COL14A1: variants seen among roughly 807,000 people sequenced by gnomAD.
COL14A1 encodes the protein collagen alpha-1(XIV) chain.
COL14A1 carries 136 observed loss-of-function variants against 230.3 expected under a neutral mutation model. The observed-to-expected ratio is 0.59, with a 90% CI of 0.51 to 0.68. The LOEUF is 0.68. COL14A1 is among the 30% of genes least tolerant of loss of function. The pLI is 0.00. For missense variants in COL14A1, 1,976 were observed against 2,215.8 expected (o/e 0.89, Z 2.17); for synonymous variants, 792 against 784.1 (o/e 1.01, Z -0.17).
rs896309765 is a variant in COL14A1 at position 120,145,598 on chromosome 8, C to G, written c.-37-2208C>G. Among the ~76,000 whole-genome samples the G allele has an allele frequency of 5.3e-5, 8 of 152,118 alleles. No individual in the cohort carries two copies. The South Asian group carries it at 1.5e-3, about 28-fold the overall frequency. On this transcript the variant is annotated intron_variant, in intron 1 of 47. Transcript: ENST00000297848. Reference sequence around the variant, plus strand: ...CACCGTTGCACTCCAGCCCTGGGGACAAGAGTGAGACTCTGTCTCAAAACA... The same window carrying G: ...CACCGTTGCACTCCAGCCCTGGGGAGAAGAGTGAGACTCTGTCTCAAAACA...
intron 45 of COL14A1, among the ~76,000 whole-genome samples, chr8:120,346,475 T>C (rs563293707): frequency 1.3e-5 from 2 of 152,350 alleles, no homozygotes; most frequent in East Asian, 3.9e-4. Flanking sequence ...CTGTGAGGCA[T>C]ATTAGTTTTG....
intron 2 of COL14A1, among the ~76,000 whole-genome samples, chr8:120,156,999 A>G (rs1471437040): frequency 6.6e-6 from 1 of 152,218 alleles, no homozygotes; most frequent in Non-Finnish European, 1.5e-5. Context: ...TTTTCCATGA[A>G]GTATTAACTT....
intron 19 of COL14A1, among the ~76,000 whole-genome samples, chr8:120,239,410 A>G (rs1007123846): frequency 6.6e-6 from 1 of 152,208 alleles, no homozygotes; most frequent in African/African-American, 2.4e-5. Context: ...ATGGGAAGTT[A>G]CTTTTATTTA....
At chr8:120,289,306 T>C (rs527781267) in intron 33 of COL14A1, among the ~76,000 whole-genome samples, 3 of 152,336 alleles carry the variant, frequency 2.0e-5, no homozygotes, top group East Asian at 3.9e-4. Context: ...GCATGGCTAG[T>C]ACAGCAGTCC....
intron 19 of COL14A1, 49 bp downstream of exon 19, chr8:120,231,667 A>G (rs1371521097): frequency 1.3e-6 from 2 of 1,576,220 alleles, no homozygotes; most frequent in South Asian, 2.3e-5. Flanking sequence ...TTACTAACAC[A>G]GCTAATAAGA....
rs969035657 is a variant in COL14A1, at chr8:120,371,885, C to T, written c.*654C>T. ...TAATGATTTTCCACCAGCTCTGATG[C>T]AAAGAGATATAATTTTAATGAACGA... On this transcript the variant is annotated 3_prime_UTR_variant, in exon 48 of 48. Transcript: ENST00000297848. 2 of 360,220 alleles carry T rather than the reference C, an allele frequency of 5.6e-6. No individual in the cohort carries two copies. Among genetic ancestry groups the T allele is most frequent in the Non-Finnish European group, 5.0e-6 (1 of 201,282 alleles). 22.3% of individuals were successfully genotyped at this position (360,220 alleles called of 1,614,324 possible).
chr8:120,226,811 G>A lies in COL14A1; in HGVS notation c.2004+45G>A, dbSNP rs753795539. On this transcript the variant is annotated intron_variant, in intron 16 of 47. Coordinates refer to ENST00000297848, the MANE Select transcript of COL14A1 (RefSeq NM_021110.4). The stretch of plus-strand genomic sequence containing the variant: ...CTGAAAATTAATCTGGAGCATTAGT[G>A]AATACCTACTGCTGCTGGAGTTGGT... 10 of 1,571,834 alleles carry A rather than the reference G, an allele frequency of 6.4e-6. No individual in the cohort carries two copies. In the African/African-American group the frequency reaches 1.3e-4, roughly 21 times the overall value.
intron 21 of COL14A1, among the ~76,000 whole-genome samples, chr8:120,249,816 G>T (rs1818884304): frequency 6.6e-6 from 1 of 152,166 alleles, no homozygotes; most frequent in African/African-American, 2.4e-5. Flanking sequence ...TGCATTGTAC[G>T]TGTGGGGCAT....
intron 29 of COL14A1, among the ~76,000 whole-genome samples, 165 bp downstream of exon 29, chr8:120,280,264 C>A (rs1819995203): frequency 6.6e-6 from 1 of 152,062 alleles, no homozygotes; most frequent in Admixed American, 6.6e-5. Flanking sequence ...TGGAAATAAA[C>A]CTCCCCTCCT....
At chr8:120,235,739 C>A (rs760322444) in intron 19 of COL14A1, among the ~76,000 whole-genome samples, 6 of 152,172 alleles carry the variant, frequency 3.9e-5, no homozygotes, top group Non-Finnish European at 8.8e-5. Context: ...TTCCAGCTTT[C>A]TCCTGTGGGC....
At chr8:120,207,939 T>A (rs1030366906) in intron 10 of COL14A1, among the ~76,000 whole-genome samples, 7 of 152,018 alleles carry the variant, frequency 4.6e-5, no homozygotes, top group Non-Finnish European at 7.4e-5. Flanking sequence ...TGGAAAAATA[T>A]CATGTTTACT....
rs762960506 is a variant in COL14A1 at position 120,262,987 on chromosome 8, C to A, written c.2989C>A (p.Pro997Thr). 1 of 1,611,734 alleles carries A rather than the reference C, an allele frequency of 6.2e-7. No homozygotes were observed. Among genetic ancestry groups the A allele is most frequent in the South Asian group, 1.1e-5 (1 of 90,400 alleles). The change falls in exon 24 of 48, where the codon CCT (proline) becomes ACT (threonine). Residue 997 changes from proline (P) to threonine (T), a missense_variant. Physicochemically the swap from Pro to Thr is conservative, Grantham distance 38. Coordinates refer to ENST00000297848, the MANE Select transcript of COL14A1 (RefSeq NM_021110.4). ...VYTKLQEIEG[P>T]SVSIMEKTQS... ...TACAAAGCTCCAGGAGATTGAAGGACCTAGTGTGAGCATAATGGAAAAAAC... is the reference window on the plus strand; with the variant it reads ...TACAAAGCTCCAGGAGATTGAAGGAACTAGTGTGAGCATAATGGAAAAAAC...
At chr8:120,239,533 C>A (rs1818551794) in intron 19 of COL14A1, among the ~76,000 whole-genome samples, 2 of 152,284 alleles carry the variant, frequency 1.3e-5, no homozygotes, top group African/African-American at 2.4e-5. Flanking sequence ...AAGAGCCACA[C>A]CTACTGTGAA....
intron 45 of COL14A1, among the ~76,000 whole-genome samples, chr8:120,359,270 C>T (rs1037915937): frequency 1.3e-5 from 2 of 151,988 alleles, no homozygotes; most frequent in East Asian, 1.9e-4. Context: ...TGTTCCCCTC[C>T]GTGTTTCCAT....
Position 120,371,445 on chromosome 8 carries a change from G to A in COL14A1, c.*214G>A. 2.5e-6 allele frequency: 1 copy of A among 394,814 alleles called. No homozygotes were observed. Among genetic ancestry groups the A allele is most frequent in the Non-Finnish European group, 4.4e-6 (1 of 224,784 alleles). 24.5% of individuals were successfully genotyped at this position (394,814 alleles called of 1,614,324 possible). A position where few individuals can be genotyped will look rare whatever the true frequency, so the allele number is the denominator to read the frequency against. On this transcript the variant is annotated 3_prime_UTR_variant, in exon 48 of 48. Transcript: ENST00000297848. ...CCTTAATCTATGACATGGTAGCAATGATTTCCCTTTGGTGTCTTAATGGCA... is the reference window on the plus strand; with the variant it reads ...CCTTAATCTATGACATGGTAGCAATAATTTCCCTTTGGTGTCTTAATGGCA...
chr8:120,204,149 C>T lies in COL14A1; in HGVS notation c.1039+279C>T, dbSNP rs556224864. The stretch of plus-strand genomic sequence containing the variant: ...TTTAAGATAGTTATACATTCAAATA[C>T]AGTTTGTAAGAAATAATACATAGAA... On this transcript the variant is annotated intron_variant, in intron 9 of 47. Transcript: ENST00000297848. Among the ~76,000 whole-genome samples the T allele has an allele frequency of 8.5e-5, 13 of 152,250 alleles. 1 individual carries two copies. Among genetic ancestry groups the T allele is most frequent in the Admixed American group, 1.3e-4 (2 of 15,286 alleles).
chr8:120,235,948 G>T (rs1165281607), intron 19 of COL14A1, among the ~76,000 whole-genome samples: 2 of 152,314 alleles, frequency 1.3e-5, no homozygotes, highest in Admixed American at 1.3e-4. Flanking sequence ...TCTTAATCCT[G>T]AGTTCTAATT....
intron 45 of COL14A1, among the ~76,000 whole-genome samples, chr8:120,363,737 A>G (rs941989885): frequency 5.9e-5 from 9 of 152,180 alleles, no homozygotes; most frequent in African/African-American, 2.2e-4. Context: ...CAAGAGGCCT[A>G]TAGTTTTGGG....
intron 36 of COL14A1, among the ~76,000 whole-genome samples, chr8:120,308,431 T>TA (rs1820918971): frequency 1.3e-5 from 2 of 152,222 alleles, no homozygotes; most frequent in Non-Finnish European, 2.9e-5. Context: ...TGTGCTATAA[T>TA]AAAAAATCAC....
Sources: gnomAD v4.1 joint callset for allele counts (sites outside exome capture counted in the v4.1 genomes callset) on GRCh38, gnomAD v4.1.1 for gene constraint, MANE v1.5 for transcripts, NCBI Gene and HGNC (gene_info 2026-07-23, HGNC 2026-07-21) for gene names.